The following IMPG2 variants were observed in gnomAD, a reference collection of about 807,000 sequenced individuals.
The protein encoded by IMPG2 is interphotoreceptor matrix proteoglycan 2, also known as IPM 200.
IMPG2 carries 91 observed loss-of-function variants against 129.2 expected under a neutral mutation model. That is an observed-to-expected ratio of 0.70 (90% CI 0.59 to 0.84). The LOEUF (loss-of-function observed/expected upper bound fraction) is 0.84. Ranked by LOEUF, IMPG2 falls within the 40% of genes least tolerant of loss-of-function variation. IMPG2 has a pLI of 0.00. For missense variants in IMPG2, 1,430 were observed against 1,461.7 expected, an observed-to-expected ratio of 0.98 and a Z score of 0.35; for synonymous variants, 510 against 517.7, an observed-to-expected ratio of 0.99 and a Z score of 0.20.
At chr3:101,274,537 A>G (rs1268482811) in intron 6 of IMPG2, among the ~76,000 whole-genome samples, 1 of 152,204 alleles carries the variant, frequency 6.6e-6, no homozygotes, top group Non-Finnish European at 1.5e-5. Flanking sequence ...TAGGTGCACA[A>G]TAAAACTACC....
At position 101,285,538 on chromosome 3, in the gene IMPG2, T is replaced by C. The variant is rs141347186; in HGVS notation, c.533+5941A>G. Among the ~76,000 whole-genome samples the C allele has an allele frequency of 2.3e-4, 35 of 152,316 alleles. 1 individual carries two copies. In the East Asian group the frequency reaches 6.2e-3, roughly 27 times the overall value. ...CTAAAATTTCAATATCTCTCCTGTC[T>C]ACAGCTCTGTCTCTCTCATATACTG... On this transcript the variant is annotated intron_variant, in intron 4 of 18. Transcript: ENST00000193391.
intron 10 of IMPG2, among the ~76,000 whole-genome samples, chr3:101,256,102 GAAAGAAAGAAAGAA>G (rs1356433497): frequency 2.6e-5 from 3 of 117,448 alleles, no homozygotes; most frequent in African/African-American, 9.0e-5. Flanking sequence ...AAGAAGGAAA[GAAAGAAAGAAAGAA>G]AAAGAAAGAG....
intron 2 of IMPG2, among the ~76,000 whole-genome samples, chr3:101,306,005 A>G (rs1269415260): frequency 1.3e-5 from 2 of 152,212 alleles, no homozygotes; most frequent in African/African-American, 4.8e-5. Context: ...AACACACATC[A>G]GGCAGGATCC....
intron 3 of IMPG2, among the ~76,000 whole-genome samples, chr3:101,292,710 C>T (rs988919137): frequency 2.0e-5 from 3 of 152,180 alleles, no homozygotes; most frequent in Non-Finnish European, 2.9e-5. Context: ...ATATGTAATG[C>T]AGTTGATAAC....
At chr3:101,302,545 C>T (rs1707149983) in intron 3 of IMPG2, among the ~76,000 whole-genome samples, 1 of 152,064 alleles carries the variant, frequency 6.6e-6, no homozygotes, top group East Asian at 1.9e-4. Flanking sequence ...GATTTAAGCT[C>T]CATCATATCT....
intron 7 of IMPG2, among the ~76,000 whole-genome samples, chr3:101,270,886 C>A (rs539926917): frequency 6.6e-6 from 1 of 152,212 alleles, no homozygotes; most frequent in African/African-American, 2.4e-5. Context: ...GACAGCCTCA[C>A]CAGATGGGTC....
At chr3:101,258,539 C>T (rs566376194) in intron 9 of IMPG2, among the ~76,000 whole-genome samples, 2 of 152,218 alleles carry the variant, frequency 1.3e-5, no homozygotes, top group African/African-American at 4.8e-5. Context: ...GTGAATTTCT[C>T]TTTTTCAGAT....
intron 10 of IMPG2, among the ~76,000 whole-genome samples, chr3:101,254,994 G>A (rs528215193): frequency 1.3e-4 from 20 of 151,932 alleles, no homozygotes; most frequent in South Asian, 4.2e-4. Context: ...ATGGTAAGAC[G>A]TGCTTGCTTC....
intron 16 of IMPG2, among the ~76,000 whole-genome samples, chr3:101,229,983 G>C (rs141342138): frequency 1.3e-5 from 2 of 152,246 alleles, no homozygotes; most frequent in Non-Finnish European, 2.9e-5. Flanking sequence ...TAAATATTAC[G>C]GTCTAGGGGA....
chr3:101,278,234 C>CTAAA (rs1273278609), intron 4 of IMPG2, among the ~76,000 whole-genome samples: 4 of 152,100 alleles, frequency 2.6e-5, no homozygotes, highest in Admixed American at 6.5e-5. Context: ...GACTCTGCCT[C>CTAAA]TAAATAAATA....
At chr3:101,254,435 G>A (rs1706577378) in intron 10 of IMPG2, among the ~76,000 whole-genome samples, 2 of 152,056 alleles carry the variant, frequency 1.3e-5, no homozygotes, top group Admixed American at 1.3e-4. Context: ...AACAACATGA[G>A]GGGCATGTAT....
intron 8 of IMPG2, among the ~76,000 whole-genome samples, chr3:101,269,274 G>A (rs1242585789): frequency 6.6e-6 from 1 of 152,116 alleles, no homozygotes; most frequent in Non-Finnish European, 1.5e-5. Context: ...ATGAATTCCT[G>A]AATTCTTAAC....
At chr3:101,280,720 C>T (rs776492783) in intron 4 of IMPG2, among the ~76,000 whole-genome samples, 34 of 151,892 alleles carry the variant, frequency 2.2e-4, no homozygotes, top group Non-Finnish European at 4.3e-4. Context: ...CCGAGGTGGA[C>T]GGATCACCTG....
intron 4 of IMPG2, among the ~76,000 whole-genome samples, chr3:101,277,345 A>C (rs1483165997): frequency 6.6e-6 from 1 of 152,220 alleles, no homozygotes; most frequent in Non-Finnish European, 1.5e-5. Context: ...GTAGGCATTA[A>C]AAATATATTT....
chr3:101,260,348 C>T (rs1706656518), intron 9 of IMPG2, among the ~76,000 whole-genome samples: 1 of 152,110 alleles, frequency 6.6e-6, no homozygotes, highest in Admixed American at 6.5e-5. Context: ...TTTCCTCAAT[C>T]CTCTAAGCAA....
intron 10 of IMPG2, 132 bp from the exon 11 acceptor site, chr3:101,253,913 T>C (rs1706571611): frequency 7.5e-6 from 5 of 667,320 alleles, no homozygotes; most frequent in Non-Finnish European, 1.3e-5. Flanking sequence ...ACACACTTAC[T>C]TAGAAAATGT....
intron 14 of IMPG2, among the ~76,000 whole-genome samples, chr3:101,237,018 G>A (rs992489504): frequency 5.3e-5 from 8 of 152,124 alleles, no homozygotes; most frequent in South Asian, 4.2e-4. Context: ...TGGGGCGCTC[G>A]AGCTTGGTGC....
chr3:101,300,758 A>G (rs997232313), intron 3 of IMPG2, among the ~76,000 whole-genome samples: 3 of 152,200 alleles, frequency 2.0e-5, no homozygotes, highest in African/African-American at 7.2e-5. Context: ...GTTCTTTTAG[A>G]TGGAGCCACA....
At chr3:101,288,108 T>C (rs954188728) in intron 4 of IMPG2, among the ~76,000 whole-genome samples, 2 of 152,092 alleles carry the variant, frequency 1.3e-5, no homozygotes, top group African/African-American at 2.4e-5. Flanking sequence ...AAAGAAGACA[T>C]ACATGAGGTC....
Sources: gnomAD v4.1 joint callset for allele counts (sites outside exome capture counted in the v4.1 genomes callset) on GRCh38, gnomAD v4.1.1 for gene constraint, MANE v1.5 for transcripts, NCBI Gene and HGNC (gene_info 2026-07-23, HGNC 2026-07-21) for gene names.